MCUR1: variants seen among roughly 807,000 people sequenced by gnomAD.
MCUR1 encodes the protein mitochondrial calcium uniporter regulator 1.
Under a neutral mutation model 42.0 loss-of-function variants are expected in MCUR1, and 37 were observed. The ratio of observed to expected loss-of-function variants is 0.88; its 90% CI spans 0.68 to 1.16. The LOEUF (loss-of-function observed/expected upper bound fraction) is 1.16, where lower values mean the gene tolerates loss of function less well. Among genes scored for constraint, MCUR1 ranks in the 50% most tolerant of loss-of-function variants. The pLI is 0.00. For synonymous variants in MCUR1, 229 were observed against 196.2 expected, an observed-to-expected ratio of 1.17 and a Z score of -1.40; for missense variants, 469 against 468.4, an observed-to-expected ratio of 1.00 and a Z score of -0.01.
chr6:13,812,103 C>T (rs1476533886), intron 1 of MCUR1, among the ~76,000 whole-genome samples: 2 of 152,118 alleles, frequency 1.3e-5, no homozygotes, highest in Non-Finnish European at 1.5e-5. Context: ...GCTGTGTCAA[C>T]GTGTAACATG....
rs1205024802 is a variant in MCUR1, at chr6:13,788,035, A to G, written c.*2774T>C. Reference sequence around the variant, plus strand: ...GTAGCTAGGATTACAGGGGTGTGCCACCACGCCTGGCTAATTTTTCTATTT... The same window carrying G: ...GTAGCTAGGATTACAGGGGTGTGCCGCCACGCCTGGCTAATTTTTCTATTT... On this transcript the variant is annotated 3_prime_UTR_variant, in exon 9 of 9. Coordinates refer to ENST00000379170, the MANE Select transcript of MCUR1 (RefSeq NM_001031713.4). 1 of 152,134 alleles carries G rather than the reference A, an allele frequency of 6.6e-6. No homozygotes were observed. Among genetic ancestry groups the G allele is most frequent in the Admixed American group, 6.5e-5 (1 of 15,278 alleles). 9.4% of individuals were successfully genotyped at this position (152,134 alleles called of 1,614,324 possible).
intron 1 of MCUR1, among the ~76,000 whole-genome samples, chr6:13,813,760 C>G (rs953507269): frequency 6.6e-5 from 10 of 152,212 alleles, no homozygotes; most frequent in Non-Finnish European, 1.3e-4. Context: ...AACTCCCCGC[C>G]CCAGCACGCA....
intron 7 of MCUR1, among the ~76,000 whole-genome samples, 167 bp downstream of exon 7, chr6:13,793,727 A>T (rs2113454985): frequency 6.6e-6 from 1 of 152,372 alleles, no homozygotes; most frequent in South Asian, 2.1e-4. Context: ...CACTTAAAAA[A>T]TGGTTAAGAT....
At position 13,807,029 on chromosome 6, in the gene MCUR1, G is replaced by T. The variant is rs753880795; in HGVS notation, c.431C>A (p.Ala144Asp). The part of the protein sequence containing the change: ...VSCRRELSLS[A>D]GSLQLERKRR... ...TTTGCGCTCCAGCTGCAGGGATCCA[G>T]CAGACAAGCTTAGCTCTAGGGTGGA... The change falls in exon 2 of 9, where the codon GCT (alanine) becomes GAT (aspartate). Residue 144 changes from alanine to aspartate, a missense_variant. Transcript: ENST00000379170. The T allele has an allele frequency of 1.2e-6, 2 of 1,612,016 alleles. No homozygotes were observed. Among genetic ancestry groups the T allele is most frequent in the East Asian group, 4.5e-5 (2 of 44,848 alleles).
At position 13,790,464 on chromosome 6, in the gene MCUR1, GTT is replaced by G. The variant is rs572005349; in HGVS notation, c.*343_*344del. 9 of 142,632 alleles carry G rather than the reference GTT, an allele frequency of 6.3e-5. No individual in the cohort carries two copies. Among genetic ancestry groups the G allele is most frequent in the Admixed American group, 2.1e-4 (3 of 14,112 alleles). 8.8% of individuals were successfully genotyped at this position (142,632 alleles called of 1,614,324 possible). A position where few individuals can be genotyped will look rare whatever the true frequency, so the allele number is the denominator to read the frequency against. On this transcript the variant is annotated 3_prime_UTR_variant, in exon 9 of 9. Coordinates refer to ENST00000379170, the MANE Select transcript of MCUR1 (RefSeq NM_001031713.4). ...AAAAGGACAACAATCTGGTATTCCGGTTTTTTTTTTTTTTTTGAGACGGAGTC... is the reference window on the plus strand; with the variant it reads ...AAAAGGACAACAATCTGGTATTCCGGTTTTTTTTTTTTTTGAGACGGAGTC...
intron 5 of MCUR1, among the ~76,000 whole-genome samples, chr6:13,799,475 G>A (rs905040555): frequency 2.0e-5 from 3 of 152,096 alleles, no homozygotes; most frequent in Non-Finnish European, 2.9e-5. Context: ...GAGCCATCGC[G>A]CCCGGCCTGT....
At chr6:13,800,016 G>C (rs1441920590) in intron 5 of MCUR1, among the ~76,000 whole-genome samples, 1 of 151,744 alleles carries the variant, frequency 6.6e-6, no homozygotes, top group Non-Finnish European at 1.5e-5. Context: ...ATTTTTAGTA[G>C]AGACAGGGTT....
chr6:13,806,991 T>G lies in MCUR1; in HGVS notation c.469A>C (p.Thr157Pro). 1.2e-6 allele frequency: 2 copies of G among 1,613,348 alleles called. No homozygotes were observed. The highest frequency in any genetic ancestry group is 1.7e-6 in the Non-Finnish European group (2 of 1,179,594). The change falls in exon 2 of 9, where the codon ACC (threonine) becomes CCC (proline). Residue 157 changes from threonine (T) to proline (P), a missense_variant. Physicochemically the swap from Thr to Pro is conservative, Grantham distance 38. Coordinates refer to ENST00000379170, the MANE Select transcript of MCUR1 (RefSeq NM_001031713.4). Reference protein sequence around the residue: ...LQLERKRRDFTSSGSRKLYFD... With the variant: ...LQLERKRRDFPSSGSRKLYFD... The stretch of plus-strand genomic sequence containing the variant: ...TAGAGTTTCCTGCTCCCAGAAGAGG[T>G]GAAATCTCTCCTTTTGCGCTCCAGC...
At chr6:13,798,668 TAA>T (rs1439310588) in intron 6 of MCUR1, among the ~76,000 whole-genome samples, 163 bp downstream of exon 6, 1 of 152,174 alleles carries the variant, frequency 6.6e-6, no homozygotes, top group Non-Finnish European at 1.5e-5. Context: ...GCAACAAATT[TAA>T]GTCTTAATCC....
intron 2 of MCUR1, among the ~76,000 whole-genome samples, chr6:13,802,930 AAT>A (rs1413216057): frequency 1.3e-5 from 2 of 152,248 alleles, no homozygotes; most frequent in Non-Finnish European, 2.9e-5. Context: ...TAAAAGACAA[AAT>A]CAGTTCTTTC....
At chr6:13,806,746 GCCA>G (rs550976190) in intron 2 of MCUR1, among the ~76,000 whole-genome samples, 176 bp downstream of exon 2, 4 of 152,106 alleles carry the variant, frequency 2.6e-5, no homozygotes, top group South Asian at 2.1e-4. Context: ...CCAAGACTGC[GCCA>G]CTGCAATCCA....
intron 2 of MCUR1, among the ~76,000 whole-genome samples, chr6:13,804,545 C>T (rs1025276089): frequency 7.9e-5 from 12 of 151,280 alleles, no homozygotes; most frequent in Non-Finnish European, 1.6e-4. Context: ...GAGGCCGAGG[C>T]GGGCGGATCA....
chr6:13,806,026 C>T (rs947103676), intron 2 of MCUR1, among the ~76,000 whole-genome samples: 5 of 152,004 alleles, frequency 3.3e-5, no homozygotes, highest in Admixed American at 1.3e-4. Flanking sequence ...GAGGCTGAGG[C>T]GGGCAGATCA....
At chr6:13,806,575 G>A (rs1301237151) in intron 2 of MCUR1, among the ~76,000 whole-genome samples, 2 of 152,148 alleles carry the variant, frequency 1.3e-5, no homozygotes, top group Non-Finnish European at 2.9e-5. Context: ...CAAAAAATGA[G>A]GACTTAAAAA....
In MCUR1 at chr6:13,787,787, C is replaced by A. The variant is rs111377734; in HGVS notation, c.*3022G>T. ...AGAAGTTTTGCCAGCCATCTTCCCC[C>A]CTCCTAGTGCTAATGCCTAATTTCC... On this transcript the variant is annotated 3_prime_UTR_variant, in exon 9 of 9. Transcript: ENST00000379170. 1 of 152,206 alleles carries A rather than the reference C, an allele frequency of 6.6e-6. No individual in the cohort carries two copies. Among genetic ancestry groups the A allele is most frequent in the African/African-American group, 2.4e-5 (1 of 41,430 alleles). 9.4% of individuals were successfully genotyped at this position (152,206 alleles called of 1,614,324 possible).
intron 5 of MCUR1, 101 bp from the exon 6 acceptor site, chr6:13,799,005 C>T (rs1424292829): frequency 5.8e-6 from 4 of 686,348 alleles, no homozygotes; most frequent in Non-Finnish European, 1.0e-5. Flanking sequence ...TGTCCCTATC[C>T]TAGGCGAGGC....
At chr6:13,794,367 G>A (rs1584983081) in intron 6 of MCUR1, among the ~76,000 whole-genome samples, 2 of 152,122 alleles carry the variant, frequency 1.3e-5, no homozygotes, top group Admixed American at 1.3e-4. Context: ...TATTGTAGTA[G>A]CACTCCCTGG....
chr6:13,800,428 C>A (rs1306181361), intron 4 of MCUR1, 46 bp from the exon 5 acceptor site: 3 of 1,095,758 alleles, frequency 2.7e-6, no homozygotes, highest in South Asian at 2.9e-5. Context: ...CAACATAAAA[C>A]GTAGTAACCA....
chr6:13,796,075 T>C (rs1434721714), intron 6 of MCUR1, among the ~76,000 whole-genome samples: 1 of 152,152 alleles, frequency 6.6e-6, no homozygotes, highest in African/African-American at 2.4e-5. Context: ...CCAGATAAAG[T>C]AATTACATGT....
Sources: gnomAD v4.1 joint callset for allele counts (sites outside exome capture counted in the v4.1 genomes callset) on GRCh38, gnomAD v4.1.1 for gene constraint, MANE v1.5 for transcripts, NCBI Gene and HGNC (gene_info 2026-07-23, HGNC 2026-07-21) for gene names.